Variants in EPB41L4B observed in about 807,000 individuals in gnomAD.
EPB41L4B encodes the protein band 4.1-like protein 4B.
In EPB41L4B, 30 loss-of-function variants were observed where a neutral mutation model predicts 112.5. The ratio of observed to expected loss-of-function variants is 0.27; its 90% CI spans 0.20 to 0.36. The LOEUF (loss-of-function observed/expected upper bound fraction) is 0.36, where lower values mean the gene tolerates loss of function less well. Among genes scored for constraint, EPB41L4B ranks in the 10% least tolerant of loss-of-function variants. EPB41L4B has a pLI of 1.00. For missense variants in EPB41L4B, 1,024 were observed against 1,133.3 expected (o/e 0.90, Z 1.38); for synonymous variants, 408 against 439.7 (o/e 0.93, Z 0.90).
intron 1 of EPB41L4B, among the ~76,000 whole-genome samples, chr9:109,318,498 G>C (rs1346617898): frequency 1.3e-5 from 2 of 152,016 alleles, no homozygotes; most frequent in Admixed American, 1.3e-4. Flanking sequence ...CATCCCCAGG[G>C]AACAGATGAG....
chr9:109,274,221 G>A (rs1341734978), intron 2 of EPB41L4B, among the ~76,000 whole-genome samples: 1 of 152,108 alleles, frequency 6.6e-6, no homozygotes, highest in Non-Finnish European at 1.5e-5. Flanking sequence ...TTGAAAAGCA[G>A]CTTAGGGAAG....
rs934270200 is a variant in EPB41L4B, at chr9:109,172,707, G to A, written c.*1847C>T. 2.0e-5 allele frequency: 3 copies of A among 152,232 alleles called. No homozygotes were observed. The highest frequency in any genetic ancestry group is 2.1e-4 in the South Asian group (1 of 4,828). 9.4% of individuals were successfully genotyped at this position (152,232 alleles called of 1,614,324 possible). On this transcript the variant is annotated 3_prime_UTR_variant, in exon 26 of 26. Coordinates refer to ENST00000374566, the MANE Select transcript of EPB41L4B (RefSeq NM_019114.5). The stretch of plus-strand genomic sequence containing the variant: ...TCTGTTTACTAAGGCAGGGAAGTGC[G>A]TAATACATTTTAGAAAGATTTCCCT...
chr9:109,228,775 T>C (rs17629774), intron 15 of EPB41L4B, among the ~76,000 whole-genome samples: 2 of 152,160 alleles, frequency 1.3e-5, no homozygotes, highest in African/African-American at 4.8e-5. Flanking sequence ...GGAGTCCTTA[T>C]AAAAAGTTCT....
At chr9:109,186,891 C>T (rs7033906) in intron 22 of EPB41L4B, among the ~76,000 whole-genome samples, 258 of 152,326 alleles carry the variant, frequency 1.7e-3, no homozygotes, top group African/African-American at 5.8e-3. Flanking sequence ...CGTGGCATCT[C>T]GTTTGACACT....
Position 109,268,875 on chromosome 9 carries a change from C to T in EPB41L4B, c.412-442G>A, listed in dbSNP as rs546310458. Among the ~76,000 whole-genome samples, 475 of 121,614 alleles carry T rather than the reference C, an allele frequency of 3.9e-3. 3 individuals carry two copies. Among genetic ancestry groups the T allele is most frequent in the African/African-American group, 0.014 (424 of 31,044 alleles). The allele number at this position is 121,614 out of a possible 152,430, so 79.8% of individuals were successfully genotyped here. On this transcript the variant is annotated intron_variant, in intron 2 of 25. Transcript: ENST00000374566. ...TCGCGCCACTGCACTCCAGCCTGGG[C>T]GACAGAGCGAAACTCCGTCTCAAAA...
At chr9:109,305,838 C>T (rs931216222) in intron 1 of EPB41L4B, among the ~76,000 whole-genome samples, 5 of 152,058 alleles carry the variant, frequency 3.3e-5, no homozygotes, top group Non-Finnish European at 5.9e-5. Context: ...GCAGCAGAAT[C>T]GCTTGAATGC....
intron 13 of EPB41L4B, among the ~76,000 whole-genome samples, chr9:109,248,159 G>A (rs1005720915): frequency 3.3e-5 from 5 of 152,204 alleles, no homozygotes; most frequent in Non-Finnish European, 4.4e-5. Flanking sequence ...TCACAGCACC[G>A]GCACCAGAAG....
chr9:109,189,997 G>A (rs10118134), intron 22 of EPB41L4B, among the ~76,000 whole-genome samples: 21,609 of 151,998 alleles, frequency 0.14, 3,138 homozygotes, highest in African/African-American at 0.37. Context: ...ATGCAGTGGC[G>A]TGACCCTGGC....
At chr9:109,224,493 A>G (rs543945954) in intron 15 of EPB41L4B, among the ~76,000 whole-genome samples, 1 of 152,334 alleles carries the variant, frequency 6.6e-6, no homozygotes, top group East Asian at 1.9e-4. Context: ...AGAATAGGCA[A>G]ATCCATAGAG....
intron 15 of EPB41L4B, chr9:109,239,852 A>C: frequency 1.0e-6 from 1 of 985,414 alleles, no homozygotes; most frequent in Non-Finnish European, 1.2e-6. Flanking sequence ...ACAAACACGT[A>C]CCTTTACAGG....
intron 1 of EPB41L4B, among the ~76,000 whole-genome samples, chr9:109,289,073 A>AC (rs1362039293): frequency 6.6e-6 from 1 of 152,128 alleles, no homozygotes; most frequent in Non-Finnish European, 1.5e-5. Flanking sequence ...CTTTCCGTAA[A>AC]CACAGCCCTT....
chr9:109,311,433 C>A (rs958610100), intron 1 of EPB41L4B, among the ~76,000 whole-genome samples: 1 of 152,138 alleles, frequency 6.6e-6, no homozygotes, highest in African/African-American at 2.4e-5. Flanking sequence ...TTGGCATCCT[C>A]ACAGCTGCAG....
At chr9:109,273,154 C>T (rs551487227) in intron 2 of EPB41L4B, among the ~76,000 whole-genome samples, 5 of 152,236 alleles carry the variant, frequency 3.3e-5, no homozygotes, top group Admixed American at 6.5e-5. Context: ...TAGCAGCTTC[C>T]GATTCAGCAC....
At chr9:109,292,220 A>G (rs752639254) in intron 1 of EPB41L4B, among the ~76,000 whole-genome samples, 19 of 152,188 alleles carry the variant, frequency 1.2e-4, no homozygotes, top group Non-Finnish European at 2.2e-4. Context: ...ATTCCTCAAG[A>G]TGCTCACTAA....
intron 3 of EPB41L4B, among the ~76,000 whole-genome samples, chr9:109,267,986 A>T (rs1047475947): frequency 7.2e-5 from 11 of 152,230 alleles, no homozygotes; most frequent in African/African-American, 2.4e-4. Flanking sequence ...AAACAACATT[A>T]AAAAATGTGG....
chr9:109,295,419 C>T (rs930626022), intron 1 of EPB41L4B, among the ~76,000 whole-genome samples: 3 of 152,132 alleles, frequency 2.0e-5, no homozygotes, highest in East Asian at 3.9e-4. Context: ...AAGAACATCA[C>T]GATATGGAAC....
At chr9:109,255,132 T>C (rs545229525) in intron 11 of EPB41L4B, among the ~76,000 whole-genome samples, 3 of 152,246 alleles carry the variant, frequency 2.0e-5, no homozygotes, top group Non-Finnish European at 4.4e-5. Flanking sequence ...CCTGTGTCTA[T>C]ATTGTCTAAT....
intron 18 of EPB41L4B, among the ~76,000 whole-genome samples, chr9:109,204,323 CAGCCCTCACGACCATCACAACATACAG>C (rs71935838): frequency 0.16 from 23,676 of 152,066 alleles, 2,145 homozygotes; most frequent in African/African-American, 0.23. Flanking sequence ...CAGAGGCCTG[CAGCCCTCACGACCATCACAACATACAG>C]AGCTTGGCCT....
intron 1 of EPB41L4B, among the ~76,000 whole-genome samples, chr9:109,281,168 G>A (rs946756637): frequency 1.3e-5 from 2 of 149,864 alleles, no homozygotes; most frequent in African/African-American, 2.5e-5. Flanking sequence ...GAGACATGAA[G>A]TGCAGACAAC....
Sources: allele counts gnomAD v4.1 joint callset (sites outside exome capture counted in the v4.1 genomes callset), GRCh38; gene constraint gnomAD v4.1.1; transcripts MANE v1.5; gene names NCBI Gene and HGNC (gene_info 2026-07-23, HGNC 2026-07-21).